Variants in TRPM3 observed in about 807,000 individuals in gnomAD.
TRPM3 encodes long transient receptor potential channel 3.
TRPM3 carries 77 observed loss-of-function variants against 181.2 expected under a neutral mutation model. That is an observed-to-expected ratio of 0.42 (90% CI 0.35 to 0.51). The LOEUF is 0.51. TRPM3 is among the 20% of genes least tolerant of loss of function. The probability of loss-of-function intolerance (pLI) is 0.01; values close to 1 mark genes in which losing one functional copy is unlikely to be tolerated. For missense variants in TRPM3, 1,759 were observed against 2,196.7 expected, an observed-to-expected ratio of 0.80 and a Z score of 3.98; for synonymous variants, 745 against 796.4, an observed-to-expected ratio of 0.94 and a Z score of 1.09.
rs559358604 is a variant in TRPM3, at chr9:71,131,013, T to A, written c.184-266502A>T. Among the ~76,000 whole-genome samples, 7 of 152,256 alleles carry A rather than the reference T, an allele frequency of 4.6e-5. No homozygotes were observed. The South Asian group carries it at 1.4e-3, about 32-fold the overall frequency. On this transcript the variant is annotated intron_variant, in intron 1 of 24. Coordinates refer to the TRPM3 transcript ENST00000357533. ...ATGAAAACACCACAATTAAAATAGA[T>A]CAAGCCACTCCTATGAGTAAAATCA...
At chr9:71,138,553 C>A (rs77006272) in intron 1 of TRPM3, among the ~76,000 whole-genome samples, 4 of 149,370 alleles carry the variant, frequency 2.7e-5, no homozygotes, top group African/African-American at 9.8e-5. Context: ...CTTTTTTTTT[C>A]AGTTTGGTTT....
chr9:70,747,961 GAAGT>G (rs2075470949), intron 8 of TRPM3, among the ~76,000 whole-genome samples: 1 of 152,076 alleles, frequency 6.6e-6, no homozygotes. Flanking sequence ...AATGGTAATT[GAAGT>G]CACAATAGTG....
rs534365087 is a variant in TRPM3 at position 71,230,413 on chromosome 9, G to A, written c.183+216240C>T. Among the ~76,000 whole-genome samples, 20 of 151,964 alleles carry A rather than the reference G, an allele frequency of 1.3e-4. No homozygotes were observed. The South Asian group carries it at 2.5e-3, about 19-fold the overall frequency. On this transcript the variant is annotated intron_variant, in intron 1 of 24. Transcript: ENST00000357533. Reference sequence around the variant, plus strand: ...AGATCTAGTATTTGATAGCACAACAGGGTAACTATAGTCAATAATTTAACT... The same window carrying A: ...AGATCTAGTATTTGATAGCACAACAAGGTAACTATAGTCAATAATTTAACT...
At chr9:70,554,022 G>A (rs1388699662) in intron 22 of TRPM3, among the ~76,000 whole-genome samples, 1 of 150,650 alleles carries the variant, frequency 6.6e-6, no homozygotes. Flanking sequence ...GCTTTTCAGG[G>A]CACAGGAAAC....
At chr9:70,599,533 TCTC>T (rs2059537198) in intron 20 of TRPM3, among the ~76,000 whole-genome samples, 1 of 152,144 alleles carries the variant, frequency 6.6e-6, no homozygotes, top group African/African-American at 2.4e-5. Flanking sequence ...CCCATCATAT[TCTC>T]CTTTATTCTC....
At chr9:70,950,318 A>G (rs1245768313) in intron 1 of TRPM3, among the ~76,000 whole-genome samples, 1 of 152,214 alleles carries the variant, frequency 6.6e-6, no homozygotes, top group Non-Finnish European at 1.5e-5. Context: ...CTTTTAATAA[A>G]GAGCTGTCAA....
At position 70,639,128 on chromosome 9, in the gene TRPM3, G is replaced by A. The variant is rs764722175; in HGVS notation, c.1513C>T (p.Leu505Phe). Residue 505 changes from leucine (L) to phenylalanine (F), a missense_variant, in exon 11 of 26, where the codon CTC (leucine) becomes TTC (phenylalanine). This residue lies in a region of TRPM3 where 737 missense variants were observed against 957.4 expected (regional missense o/e 0.77). Transcript: ENST00000677713. The stretch of plus-strand genomic sequence containing the variant: ...TGCATGCTTACTCCATTCTCTATGA[G>A]TAATTTCACAAAATCCACTCTGTCC... ...VLDRVDFVKL[L>F]IENGVSMHRF... The A allele has an allele frequency of 2.5e-6, 4 of 1,613,900 alleles. No individual in the cohort carries two copies. The highest frequency in any genetic ancestry group is 2.7e-5 in the African/African-American group (2 of 74,908).
chr9:70,862,404 G>A (rs1009790948), intron 3 of TRPM3, among the ~76,000 whole-genome samples: 1 of 152,144 alleles, frequency 6.6e-6, no homozygotes, highest in African/African-American at 2.4e-5. Context: ...TGGAGAAAAA[G>A]CACTTAATTT....
At chr9:71,089,643 C>T (rs536626727) in intron 1 of TRPM3, among the ~76,000 whole-genome samples, 56 of 151,916 alleles carry the variant, frequency 3.7e-4, no homozygotes, top group African/African-American at 1.3e-3. Context: ...AAAATTGGGT[C>T]TTGGAAATCA....
At chr9:71,015,181 T>A (rs1255239249) in intron 1 of TRPM3, among the ~76,000 whole-genome samples, 1 of 152,180 alleles carries the variant, frequency 6.6e-6, no homozygotes, top group Non-Finnish European at 1.5e-5. Flanking sequence ...ACTGACTCCC[T>A]CTATTTAAAA....
intron 1 of TRPM3, among the ~76,000 whole-genome samples, chr9:71,042,167 A>C (rs923691447): frequency 9.2e-5 from 14 of 152,094 alleles, no homozygotes; most frequent in African/African-American, 3.4e-4. Flanking sequence ...ACCATTTCCT[A>C]AAGTATGTAC....
intron 1 of TRPM3, among the ~76,000 whole-genome samples, chr9:71,317,821 C>T (rs888677383): frequency 7.2e-5 from 11 of 152,098 alleles, no homozygotes; most frequent in Non-Finnish European, 1.6e-4. Context: ...GAAAGTACTT[C>T]GAATTTATCT....
At chr9:70,751,805 A>C (rs1027181961) in intron 8 of TRPM3, among the ~76,000 whole-genome samples, 1 of 152,182 alleles carries the variant, frequency 6.6e-6, no homozygotes, top group African/African-American at 2.4e-5. Flanking sequence ...GTAGAGAAGA[A>C]GAGGGGCACT....
intron 1 of TRPM3, among the ~76,000 whole-genome samples, chr9:70,940,705 G>T (rs970277796): frequency 2.0e-5 from 3 of 152,204 alleles, no homozygotes; most frequent in African/African-American, 7.2e-5. Context: ...CTGAGGAGAT[G>T]GCATTGGAAC....
chr9:71,108,144 T>C lies in TRPM3; in HGVS notation c.177+13034A>G, dbSNP rs149303445. Among the ~76,000 whole-genome samples, 268 of 152,348 alleles carry C rather than the reference T, an allele frequency of 1.8e-3. 2 individuals are homozygous for C. Among genetic ancestry groups the C allele is most frequent in the African/African-American group, 6.3e-3 (261 of 41,588 alleles). On this transcript the variant is annotated intron_variant, in intron 1 of 25. Coordinates refer to ENST00000677713, the MANE Select transcript of TRPM3 (RefSeq NM_001366145.2). ...CTACTTATTCCAGACTCTCTAAGCC[T>C]CTTAATCAGAAATACTGTCTTTATA...
At chr9:71,229,997 T>G (rs1198785030) in intron 1 of TRPM3, among the ~76,000 whole-genome samples, 1 of 152,048 alleles carries the variant, frequency 6.6e-6, no homozygotes, top group Non-Finnish European at 1.5e-5. Context: ...GTTGCACTAT[T>G]CAAAGTGGCC....
At chr9:71,108,915 A>G (rs1273190183) in intron 1 of TRPM3, among the ~76,000 whole-genome samples, 10 of 152,258 alleles carry the variant, frequency 6.6e-5, no homozygotes, top group Middle Eastern at 3.4e-3. Context: ...GAGTGTTTCT[A>G]TGAGGGTATT....
At chr9:70,745,309 G>A (rs1366072098) in intron 8 of TRPM3, among the ~76,000 whole-genome samples, 1 of 152,062 alleles carries the variant, frequency 6.6e-6, no homozygotes, top group Non-Finnish European at 1.5e-5. Flanking sequence ...TGACTATAAA[G>A]ACTGCATCAA....
At chr9:70,558,276 G>A (rs146118584) in intron 22 of TRPM3, among the ~76,000 whole-genome samples, 131 of 152,208 alleles carry the variant, frequency 8.6e-4, no homozygotes, top group African/African-American at 3.1e-3. Flanking sequence ...AAAACCATGC[G>A]ATTCTTTTTC....
Sources: gnomAD v4.1 joint callset for allele counts (sites outside exome capture counted in the v4.1 genomes callset) on GRCh38, gnomAD v4.1.1 for gene constraint, gnomAD v4.1.1 regional missense constraint, MANE v1.5 for transcripts, NCBI Gene and HGNC (gene_info 2026-07-23, HGNC 2026-07-21) for gene names.